The following LRRC7 variants were observed in gnomAD, a reference collection of about 807,000 sequenced individuals.
LRRC7 encodes leucine rich repeat containing 7.
Under a neutral mutation model 175.7 loss-of-function variants are expected in LRRC7, and 23 were observed. The ratio of observed to expected loss-of-function variants is 0.13; its 90% CI spans 0.09 to 0.19. LRRC7 has a LOEUF of 0.19. Ranked by LOEUF, LRRC7 falls within the 10% of genes least tolerant of loss-of-function variation. LRRC7 has a pLI of 1.00. For synonymous variants in LRRC7, 685 were observed against 680.9 expected, an observed-to-expected ratio of 1.01 and a Z score of -0.09; for missense variants, 1,354 against 1,904.7, an observed-to-expected ratio of 0.71 and a Z score of 5.38.
At chr1:69,923,365 T>C (rs1333425963) in intron 7 of LRRC7, among the ~76,000 whole-genome samples, 1 of 152,210 alleles carries the variant, frequency 6.6e-6, no homozygotes, top group Non-Finnish European at 1.5e-5. Context: ...ATGGTATTAC[T>C]AGTTCTAGAT....
chr1:70,009,324 G>A (rs1049559006), intron 11 of LRRC7, among the ~76,000 whole-genome samples: 89 of 150,060 alleles, frequency 5.9e-4, no homozygotes, highest in Non-Finnish European at 1.2e-3. Context: ...AAGACCCAGT[G>A]CTAGACTTTC....
At chr1:69,785,967 A>C (rs1674363441) in intron 3 of LRRC7, among the ~76,000 whole-genome samples, 2 of 152,156 alleles carry the variant, frequency 1.3e-5, no homozygotes, top group African/African-American at 4.8e-5. Flanking sequence ...AAACATATTA[A>C]GTGCATTTAT....
chr1:69,667,398 G>A (rs2100557802), intron 1 of LRRC7, among the ~76,000 whole-genome samples: 1 of 152,230 alleles, frequency 6.6e-6, no homozygotes, highest in Admixed American at 6.5e-5. Context: ...TGCTGACAGT[G>A]GGGTGTTGAA....
At chr1:69,947,378 T>C (rs944563808) in intron 8 of LRRC7, among the ~76,000 whole-genome samples, 4 of 151,968 alleles carry the variant, frequency 2.6e-5, no homozygotes, top group African/African-American at 9.7e-5. Context: ...ATTCATTCTT[T>C]ATAGTTATTT....
intron 8 of LRRC7, among the ~76,000 whole-genome samples, chr1:69,934,495 G>T (rs866315407): frequency 0.018 from 1,065 of 59,066 alleles, 26 homozygotes; most frequent in African/African-American, 0.063. Context: ...ATATTTTGGC[G>T]GGGGGGGGGC....
chr1:70,113,434 T>C (rs1665648629), intron 26 of LRRC7, among the ~76,000 whole-genome samples: 1 of 152,146 alleles, frequency 6.6e-6, no homozygotes, highest in African/African-American at 2.4e-5. Context: ...TGGGAGTCTT[T>C]TATCTAGTTG....
intron 1 of LRRC7, among the ~76,000 whole-genome samples, chr1:69,676,203 T>A (rs1350570662): frequency 6.6e-6 from 1 of 152,000 alleles, no homozygotes; most frequent in Non-Finnish European, 1.5e-5. Context: ...CTTAACATAC[T>A]GCTTTTGTGG....
chr1:69,942,392 G>A (rs562848520), intron 8 of LRRC7, among the ~76,000 whole-genome samples: 1 of 152,092 alleles, frequency 6.6e-6, no homozygotes, highest in South Asian at 2.1e-4. Context: ...CAGAATTCCA[G>A]GCCTACATAT....
chr1:69,996,189 G>A (rs1334501284), intron 11 of LRRC7, among the ~76,000 whole-genome samples: 1 of 151,170 alleles, frequency 6.6e-6, no homozygotes, highest in Non-Finnish European at 1.5e-5. Context: ...TTTTTTGGCT[G>A]CATAAAGGTC....
intron 3 of LRRC7, 23 bp from the exon 4 acceptor site, chr1:69,792,020 T>C: frequency 7.2e-7 from 1 of 1,397,246 alleles, no homozygotes. Flanking sequence ...TGAGATCTAA[T>C]TAATGATTAT....
chr1:69,923,664 G>C (rs1300411999), intron 7 of LRRC7, among the ~76,000 whole-genome samples: 1 of 152,056 alleles, frequency 6.6e-6, no homozygotes, highest in Non-Finnish European at 1.5e-5. Context: ...TTTTTTTCTT[G>C]TAAATTTGTT....
At chr1:69,703,961 G>A (rs923472908) in intron 2 of LRRC7, among the ~76,000 whole-genome samples, 2 of 151,998 alleles carry the variant, frequency 1.3e-5, no homozygotes, top group Middle Eastern at 3.4e-3. Context: ...AGGTGTTCTA[G>A]GTTCCAAGAT....
intron 1 of LRRC7, among the ~76,000 whole-genome samples, chr1:69,598,351 A>G (rs573589834): frequency 6.6e-6 from 1 of 152,130 alleles, no homozygotes; most frequent in Admixed American, 6.6e-5. Context: ...TAGTACAATT[A>G]TTGCCTGATA....
At chr1:69,597,058 T>C (rs1646872066) in intron 1 of LRRC7, among the ~76,000 whole-genome samples, 1 of 152,242 alleles carries the variant, frequency 6.6e-6, no homozygotes, top group Non-Finnish European at 1.5e-5. Flanking sequence ...GTATTCACTT[T>C]CCAAGTTTCC....
chr1:70,125,746 C>G lies in LRRC7; in HGVS notation c.*3859C>G, dbSNP rs28475240. Among the ~76,000 whole-genome samples the G allele has an allele frequency of 0.065, 8,264 of 127,128 alleles. 265 individuals carry two copies. The highest frequency in any genetic ancestry group is 0.13 in the Middle Eastern group (32 of 244). The allele number at this position is 127,128 out of a possible 152,430, so 83.4% of individuals were successfully genotyped here. On this transcript the variant is annotated 3_prime_UTR_variant, in exon 27 of 27. Transcript: ENST00000651989. Reference sequence around the variant, plus strand: ...GGCGGAGCTTGCAGTGAGCCGAGATCCCGCCACTGCACTCCAGCCTGGGCG... The same window carrying G: ...GGCGGAGCTTGCAGTGAGCCGAGATGCCGCCACTGCACTCCAGCCTGGGCG...
At chr1:69,722,979 GT>G (rs1283082596) in intron 2 of LRRC7, among the ~76,000 whole-genome samples, 17 of 151,888 alleles carry the variant, frequency 1.1e-4, no homozygotes, top group African/African-American at 1.2e-4. Context: ...TTTTATGTTA[GT>G]TTTTTGCCAT....
chr1:69,652,717 A>G (rs533598806), intron 1 of LRRC7, among the ~76,000 whole-genome samples: 100 of 152,226 alleles, frequency 6.6e-4, no homozygotes, highest in African/African-American at 2.2e-3. Flanking sequence ...AATAATAATA[A>G]CCAAAATAGA....
chr1:69,772,809 C>G (rs574219257), intron 3 of LRRC7, among the ~76,000 whole-genome samples: 1 of 151,856 alleles, frequency 6.6e-6, no homozygotes, highest in Non-Finnish European at 1.5e-5. Context: ...AGGAGGAAAA[C>G]AAGGAAAGAA....
At chr1:69,623,390 G>T (rs962307355) in intron 1 of LRRC7, among the ~76,000 whole-genome samples, 7 of 151,428 alleles carry the variant, frequency 4.6e-5, no homozygotes, top group African/African-American at 1.5e-4. Flanking sequence ...GAGAGAAAAT[G>T]AACATTTTAA....
Sources: allele counts gnomAD v4.1 joint callset (sites outside exome capture counted in the v4.1 genomes callset), GRCh38; gene constraint gnomAD v4.1.1; transcripts MANE v1.5; gene names NCBI Gene and HGNC (gene_info 2026-07-23, HGNC 2026-07-21).